The following SDK1 variants were observed in gnomAD, a reference collection of about 807,000 sequenced individuals.
The protein encoded by SDK1 is protein sidekick-1.
SDK1 carries 157 observed loss-of-function variants against 245.5 expected under a neutral mutation model. That is an observed-to-expected ratio of 0.64 (90% CI 0.56 to 0.73). The LOEUF is 0.73. Among genes scored for constraint, SDK1 ranks in the 30% least tolerant of loss-of-function variants. The probability of loss-of-function intolerance (pLI) is 0.00; values close to 1 mark genes in which losing one functional copy is unlikely to be tolerated. For synonymous variants in SDK1, 1,647 were observed against 1,278.5 expected (o/e 1.29, Z -6.15); for missense variants, 3,583 against 3,002.3 (o/e 1.19, Z -4.52).
chr7:3,730,753 T>C (rs74985252), intron 4 of SDK1, among the ~76,000 whole-genome samples: 243 of 152,220 alleles, frequency 1.6e-3, no homozygotes, highest in African/African-American at 5.6e-3. Flanking sequence ...AGGCAGCCAA[T>C]TGGAAGAGCC....
chr7:3,793,722 C>G (rs926876840), intron 4 of SDK1, among the ~76,000 whole-genome samples: 1 of 152,046 alleles, frequency 6.6e-6, no homozygotes, highest in African/African-American at 2.4e-5. Context: ...AGTATAAATG[C>G]AGTGTCCACA....
chr7:4,113,995 T>G, intron 24 of SDK1, 42 bp from the exon 25 acceptor site: 1 of 1,559,164 alleles, frequency 6.4e-7, no homozygotes, highest in Non-Finnish European at 8.8e-7. Flanking sequence ...AGGGTGGCAG[T>G]TCTGAGATGT....
At chr7:4,135,144 C>T (rs1441193010) in intron 28 of SDK1, among the ~76,000 whole-genome samples, 2 of 152,214 alleles carry the variant, frequency 1.3e-5, no homozygotes, top group African/African-American at 4.8e-5. Context: ...CAGACTGTCT[C>T]TGACATTTCT....
chr7:3,372,185 A>AAGGG (rs1367631192), intron 1 of SDK1, among the ~76,000 whole-genome samples: 2 of 151,946 alleles, frequency 1.3e-5, no homozygotes, highest in African/African-American at 4.9e-5. Context: ...TCTGACTTTG[A>AAGGG]AGGGAGAGAG....
At chr7:3,590,598 A>G (rs993435440) in intron 1 of SDK1, among the ~76,000 whole-genome samples, 2 of 152,070 alleles carry the variant, frequency 1.3e-5, no homozygotes, top group Non-Finnish European at 2.9e-5. Flanking sequence ...AAGTCTAAAG[A>G]TATTTTGGGG....
chr7:4,206,475 T>A (rs934639642), intron 36 of SDK1, among the ~76,000 whole-genome samples: 5 of 152,140 alleles, frequency 3.3e-5, no homozygotes, highest in African/African-American at 1.2e-4. Flanking sequence ...CCAGTCTCAT[T>A]CCTCACAAGG....
intron 1 of SDK1, among the ~76,000 whole-genome samples, chr7:3,473,790 G>C (rs1781255803): frequency 6.6e-6 from 1 of 152,098 alleles, no homozygotes; most frequent in Non-Finnish European, 1.5e-5. Context: ...AATGTTCAGG[G>C]AGTGTGATGA....
rs1167197234 is a variant in SDK1, at chr7:4,268,880, C to CT, written c.*3501dup. On this transcript the variant is annotated 3_prime_UTR_variant, in exon 45 of 45. Transcript: ENST00000404826. The stretch of plus-strand genomic sequence containing the variant: ...TCAGGTCCCTAAACGTTCCCTACAA[C>CT]TTTTTCTGAAATTGTGCAGAAAAAC... 8.0e-6 allele frequency: 4 copies of CT among 498,548 alleles called. No individual in the cohort carries two copies. The highest frequency in any genetic ancestry group is 6.0e-5 in the African/African-American group (3 of 49,588). The allele number at this position is 498,548 out of a possible 1,614,324, so 30.9% of individuals were successfully genotyped here. A position where few individuals can be genotyped will look rare whatever the true frequency, so the allele number is the denominator to read the frequency against.
intron 4 of SDK1, among the ~76,000 whole-genome samples, chr7:3,709,298 T>G (rs570733168): frequency 6.6e-6 from 1 of 152,270 alleles, no homozygotes; most frequent in Admixed American, 6.5e-5. Context: ...AGGTTTCTCC[T>G]GAGAAGTCTG....
intron 9 of SDK1, among the ~76,000 whole-genome samples, chr7:3,964,269 C>T (rs1410151657): frequency 4.6e-5 from 7 of 152,174 alleles, no homozygotes; most frequent in African/African-American, 1.7e-4. Context: ...TGCTGAGGCC[C>T]ACAAGCAGCA....
chr7:3,939,263 C>A (rs1780271628), intron 5 of SDK1, among the ~76,000 whole-genome samples: 1 of 152,230 alleles, frequency 6.6e-6, no homozygotes. Context: ...ATCCTGATGC[C>A]TTTGGCATTC....
At chr7:3,530,294 C>T (rs754502439) in intron 1 of SDK1, among the ~76,000 whole-genome samples, 1 of 152,126 alleles carries the variant, frequency 6.6e-6, no homozygotes, top group Non-Finnish European at 1.5e-5. Context: ...GCAAGAATAT[C>T]ATCTGTGGTA....
At chr7:3,303,191 C>T (rs562768322) in intron 1 of SDK1, among the ~76,000 whole-genome samples, 52 of 152,110 alleles carry the variant, frequency 3.4e-4, no homozygotes, top group Non-Finnish European at 6.2e-4. Context: ...GTGCTTTTTG[C>T]TTAATGACTT....
intron 5 of SDK1, among the ~76,000 whole-genome samples, chr7:3,893,402 A>G (rs1270116666): frequency 6.6e-6 from 1 of 151,992 alleles, no homozygotes; most frequent in Non-Finnish European, 1.5e-5. Context: ...AGCTACTGAT[A>G]ATATCAACTT....
chr7:3,519,417 AAAAT>A (rs1332237792), intron 1 of SDK1, among the ~76,000 whole-genome samples: 2 of 152,084 alleles, frequency 1.3e-5, no homozygotes, highest in East Asian at 1.9e-4. Flanking sequence ...GTGTCAAATA[AAAAT>A]AAAAGTGTGA....
chr7:3,465,868 A>G (rs944486939), intron 1 of SDK1, among the ~76,000 whole-genome samples: 5 of 152,210 alleles, frequency 3.3e-5, no homozygotes, highest in Non-Finnish European at 7.3e-5. Flanking sequence ...AGGGACGTGC[A>G]GAGGATAAAT....
At chr7:3,517,081 A>T (rs1381827461) in intron 1 of SDK1, among the ~76,000 whole-genome samples, 2 of 152,194 alleles carry the variant, frequency 1.3e-5, no homozygotes, top group African/African-American at 4.8e-5. Context: ...TACATTATTC[A>T]TAAATGTATG....
At chr7:4,203,979 C>G (rs1562428132) in intron 35 of SDK1, among the ~76,000 whole-genome samples, 2 of 152,234 alleles carry the variant, frequency 1.3e-5, no homozygotes, top group African/African-American at 4.8e-5. Flanking sequence ...ATGCGGGCCC[C>G]TAATTTATGG....
At chr7:4,045,898 T>G (rs2128164448) in intron 17 of SDK1, among the ~76,000 whole-genome samples, 1 of 152,268 alleles carries the variant, frequency 6.6e-6, no homozygotes, top group South Asian at 2.1e-4. Context: ...ACATTTTTGG[T>G]TTTCTTACAG....
Sources: gnomAD v4.1 joint callset for allele counts (sites outside exome capture counted in the v4.1 genomes callset) on GRCh38, gnomAD v4.1.1 for gene constraint, MANE v1.5 for transcripts, NCBI Gene and HGNC (gene_info 2026-07-23, HGNC 2026-07-21) for gene names.